Variants in C12orf42 observed in about 807,000 individuals in gnomAD.
C12orf42 encodes uncharacterized protein C12orf42.
A neutral mutation model predicts 21.6 loss-of-function variants in C12orf42; 25 were observed. The observed-to-expected ratio is 1.16, with a 90% CI of 0.84 to 1.62. The LOEUF is 1.62. Among genes scored for constraint, C12orf42 ranks in the 40% most tolerant of loss-of-function variants. The pLI is 0.00. For synonymous variants in C12orf42, 174 were observed against 175.0 expected (o/e 0.99, Z 0.05); for missense variants, 483 against 459.3 (o/e 1.05, Z -0.47).
chr12:103,555,019 G>T, the C12orf42 span, among the ~76,000 whole-genome samples: 1 of 152,160 alleles, frequency 6.6e-6, no homozygotes, highest in Non-Finnish European at 1.5e-5. Context: ...GTCATGGTAG[G>T]CTTCACCCTG....
intron 4 of C12orf42, among the ~76,000 whole-genome samples, chr12:103,335,237 G>A (rs1046971773): frequency 1.3e-5 from 2 of 152,194 alleles, no homozygotes; most frequent in Admixed American, 6.5e-5. Flanking sequence ...CATAAGAGGA[G>A]AGTATAAATT....
intron 2 of C12orf42, among the ~76,000 whole-genome samples, chr12:103,449,134 G>C (rs370027572): frequency 2.8e-4 from 43 of 151,834 alleles, no homozygotes; most frequent in African/African-American, 9.2e-4. Context: ...TAGATAGACA[G>C]ACACCATGGA....
At chr12:103,483,062 G>T (rs935738870) in intron 1 of C12orf42, among the ~76,000 whole-genome samples, 3 of 152,094 alleles carry the variant, frequency 2.0e-5, no homozygotes, top group East Asian at 1.9e-4. Flanking sequence ...ATCTATGCAG[G>T]TCTAAAATTG....
the C12orf42 span, among the ~76,000 whole-genome samples, chr12:103,180,315 G>A: frequency 6.6e-6 from 1 of 152,076 alleles, no homozygotes; most frequent in Non-Finnish European, 1.5e-5. Context: ...AAAAAAACAT[G>A]TCTGAAAATG....
chr12:103,349,547 C>T (rs947646232), intron 4 of C12orf42, among the ~76,000 whole-genome samples: 2 of 151,898 alleles, frequency 1.3e-5, no homozygotes, highest in Non-Finnish European at 2.9e-5. Flanking sequence ...TAAAGGAGTC[C>T]TATATTAACT....
chr12:103,500,181 T>C (rs1234302406), upstream of C12orf42, among the ~76,000 whole-genome samples: 1 of 152,204 alleles, frequency 6.6e-6, no homozygotes, highest in Non-Finnish European at 1.5e-5. Flanking sequence ...TGATGGTTCA[T>C]ATGTCAGAGT....
chr12:103,209,677 C>T, the C12orf42 span, among the ~76,000 whole-genome samples: 29 of 152,284 alleles, frequency 1.9e-4, no homozygotes, highest in African/African-American at 6.7e-4. Flanking sequence ...AAACTCACTC[C>T]TAAAATTATC....
chr12:103,066,388 C>T, the C12orf42 span, among the ~76,000 whole-genome samples: 1 of 152,188 alleles, frequency 6.6e-6, no homozygotes, highest in Non-Finnish European at 1.5e-5. Context: ...TCCACTCCTG[C>T]CACCCTGCCT....
intron 4 of C12orf42, among the ~76,000 whole-genome samples, chr12:103,343,496 A>T (rs1331697712): frequency 6.6e-6 from 1 of 152,116 alleles, no homozygotes; most frequent in Non-Finnish European, 1.5e-5. Flanking sequence ...ACACTTTCTG[A>T]GGCCGGGCAT....
At chr12:103,058,474 A>G in the C12orf42 span, among the ~76,000 whole-genome samples, 3,555 of 152,272 alleles carry the variant, frequency 0.023, 134 homozygotes, top group African/African-American at 0.08. Context: ...TCAGCTCTGG[A>G]TCAAGTGGAC....
the C12orf42 span, among the ~76,000 whole-genome samples, chr12:103,168,554 G>T: frequency 6.6e-6 from 1 of 152,158 alleles, no homozygotes; most frequent in African/African-American, 2.4e-5. Context: ...TAGGATGAGA[G>T]CTAAAATATT....
intron 3 of C12orf42, among the ~76,000 whole-genome samples, chr12:103,376,661 GA>G (rs1268707150): frequency 1.3e-5 from 2 of 152,084 alleles, no homozygotes; most frequent in Non-Finnish European, 2.9e-5. Flanking sequence ...AGCTATCTGG[GA>G]GATGTTTGTT....
At chr12:103,459,440 T>G (rs1391388885) in intron 2 of C12orf42, among the ~76,000 whole-genome samples, 1 of 151,932 alleles carries the variant, frequency 6.6e-6, no homozygotes, top group African/African-American at 2.4e-5. Flanking sequence ...GGAGACCTGG[T>G]TGTTTTAAGT....
At chr12:103,236,058 G>C (rs2033457095), downstream of C12orf42, among the ~76,000 whole-genome samples, 1 of 152,010 alleles carries the variant, frequency 6.6e-6, no homozygotes, top group South Asian at 2.1e-4. Context: ...TTGCACTTCA[G>C]GAACTTCCAT....
chr12:103,557,693 C>CA, the C12orf42 span: 1 of 152,156 alleles, frequency 6.6e-6, no homozygotes, highest in Non-Finnish European at 1.5e-5. Flanking sequence ...CACTAAACTG[C>CA]TTAATGATGG....
Position 103,357,892 on chromosome 12 carries a change from A to G in C12orf42, c.259+10995T>C, listed in dbSNP as rs2043731007. 2.0e-5 allele frequency among the ~76,000 whole-genome samples: 3 copies of G among 152,164 alleles called. No homozygotes were observed. In the South Asian group the frequency reaches 6.2e-4, roughly 32 times the overall value. Reference sequence around the variant, plus strand: ...TGTTTGCTGTGTAATAAACCATTCTAAAACATAACTTTTTAAAATTATTAT... The same window carrying G: ...TGTTTGCTGTGTAATAAACCATTCTGAAACATAACTTTTTAAAATTATTAT... On this transcript the variant is annotated intron_variant, in intron 4 of 5. Coordinates refer to ENST00000548883, the MANE Select transcript of C12orf42 (RefSeq NM_198521.5).
At chr12:103,392,629 G>A (rs1214452697) in intron 3 of C12orf42, among the ~76,000 whole-genome samples, 1 of 152,004 alleles carries the variant, frequency 6.6e-6, no homozygotes, top group Non-Finnish European at 1.5e-5. Context: ...TTTTCAGGTT[G>A]TTTATTGCTA....
At chr12:103,247,775 G>A (rs1004939088) in intron 10 of C12orf42, among the ~76,000 whole-genome samples, 1 of 151,940 alleles carries the variant, frequency 6.6e-6, no homozygotes, top group Non-Finnish European at 1.5e-5. Flanking sequence ...TACTGGTTGG[G>A]AATTTAAAGC....
intron 2 of C12orf42, among the ~76,000 whole-genome samples, chr12:103,449,596 G>A (rs1951811023): frequency 6.6e-6 from 1 of 152,038 alleles, no homozygotes; most frequent in Admixed American, 6.6e-5. Flanking sequence ...TCTGTGAGAT[G>A]TCAAGTTTCC....
Sources: gnomAD v4.1 joint callset for allele counts (sites outside exome capture counted in the v4.1 genomes callset) on GRCh38, gnomAD v4.1.1 for gene constraint, MANE v1.5 for transcripts, NCBI Gene and HGNC (gene_info 2026-07-23, HGNC 2026-07-21) for gene names.